P2RX2: variants seen among roughly 807,000 people sequenced by gnomAD.
P2RX2 encodes P2X purinoceptor 2.
In P2RX2, 50 loss-of-function variants were observed where a neutral mutation model predicts 54.8. That is an observed-to-expected ratio of 0.91 (90% confidence interval 0.73 to 1.15). P2RX2 has a LOEUF of 1.15. Among genes scored for constraint, P2RX2 ranks in the 50% most tolerant of loss-of-function variants. The pLI, the probability that P2RX2 is intolerant of heterozygous loss-of-function variation, is 0.00. For missense variants in P2RX2, 658 were observed against 633.2 expected, an observed-to-expected ratio of 1.04 and a Z score of -0.42; for synonymous variants, 289 against 259.4, an observed-to-expected ratio of 1.11 and a Z score of -1.09.
At position 132,620,489 on chromosome 12, in the gene P2RX2, C is replaced by T. The variant is rs1187819303; in HGVS notation, c.680C>T (p.Thr227Met). Residue 227 changes from threonine (T) to methionine (M), a missense_variant, in exon 7 of 11, where the codon ACG becomes ATG. Coordinates refer to ENST00000643471, the MANE Select transcript of P2RX2 (RefSeq NM_170682.4). ...DRTDGYLKRCTFHEASDLYCP... is the reference protein window; with the variant it reads ...DRTDGYLKRCMFHEASDLYCP... The stretch of plus-strand genomic sequence containing the variant: ...ACAGACGGGTACCTGAAGCGCTGCA[C>T]GTTCCACGAGGCCTCCGACCTCTAC... The T allele has an allele frequency of 5.6e-6, 9 of 1,613,970 alleles. No individual in the cohort carries two copies. Among genetic ancestry groups the T allele is most frequent in the Non-Finnish European group, 6.8e-6 (8 of 1,180,020 alleles).
In P2RX2 at chr12:132,618,908, C is replaced by T; in HGVS notation, c.92C>T (p.Pro31Leu). 17 of 1,352,230 alleles carry T rather than the reference C, an allele frequency of 1.3e-5. No individual in the cohort carries two copies. Among genetic ancestry groups the T allele is most frequent in the Non-Finnish European group, 1.6e-5 (17 of 1,045,062 alleles). The allele number at this position is 1,352,230 out of a possible 1,614,324, so 83.8% of individuals were successfully genotyped here. Residue 31 changes from proline to leucine, a missense_variant, in exon 1 of 11, where the codon CCC (proline) becomes CTC (leucine). By Grantham distance (98) the Pro-to-Leu change is moderately conservative. Transcript: ENST00000643471. ...CWSALWDYET[P>L]KVIVVRNRRL... ...TCCGCCCTCTGGGACTACGAGACGC[C>T]CAAGGTGATCGTGGTGAGGAACCGG...
Position 132,622,188 on chromosome 12 carries a change from C to A in P2RX2, c.*216C>A, listed in dbSNP as rs1301385109. 1.4e-6 allele frequency: 2 copies of A among 1,422,446 alleles called. No individual in the cohort carries two copies. Among genetic ancestry groups the A allele is most frequent in the Non-Finnish European group, 1.8e-6 (2 of 1,092,970 alleles). The allele number at this position is 1,422,446 out of a possible 1,614,324, so 88.1% of individuals were successfully genotyped here. ...CCCTGACACCTCCTCCCCAGCTGGT[C>A]CCTACAGGGCTGCTCACTTCCCATC... On this transcript the variant is annotated 3_prime_UTR_variant, in exon 11 of 11. Transcript: ENST00000643471.
chr12:132,621,075 C>T lies in P2RX2; in HGVS notation c.849C>T (p.Tyr283=). The stretch of plus-strand genomic sequence containing the variant: ...CTGCATCGGAGTGCAACCCCAAGTA[C>T]TCCTTCCGGAGGCTTGACCCCAAGC... The part of the protein sequence containing the change: ...DLPASECNPK[Y]SFRRLDPKHV... Residue 283 remains tyrosine (Y), a synonymous_variant, in exon 8 of 11, where the codon TAC becomes TAT. Coordinates refer to ENST00000643471, the MANE Select transcript of P2RX2 (RefSeq NM_170682.4). 6.2e-7 allele frequency: 1 copy of T among 1,614,066 alleles called. No homozygotes were observed. The highest frequency in any genetic ancestry group is 2.2e-5 in the East Asian group (1 of 44,896).
In P2RX2 at chr12:132,620,350, A is replaced by G. The variant is rs1373931502; in HGVS notation, c.635+3A>G. ...TACCCCAAATTCCACTTCTCCAAGT[A>G]AGAGCCGCGGGGTGTGGTGACGGCC... On this transcript the variant is annotated splice_donor_region_variant and intron_variant, in intron 6 of 10. Coordinates refer to ENST00000643471, the MANE Select transcript of P2RX2 (RefSeq NM_170682.4). 2.5e-6 allele frequency: 4 copies of G among 1,613,976 alleles called. No individual in the cohort carries two copies. Among genetic ancestry groups the G allele is most frequent in the Non-Finnish European group, 3.4e-6 (4 of 1,179,836 alleles).
In P2RX2 at chr12:132,622,015, G is replaced by A. The variant is rs375459528; in HGVS notation, c.*43G>A. 6 of 1,610,882 alleles carry A rather than the reference G, an allele frequency of 3.7e-6. No homozygotes were observed. In the East Asian group the frequency reaches 1.1e-4, roughly 30 times the overall value. On this transcript the variant is annotated 3_prime_UTR_variant, in exon 11 of 11. Transcript: ENST00000643471. Reference sequence around the variant, plus strand: ...TGGACTGCAGACCCGGCCTGGTGGGGCCAGAGAGTCCCCAGCTAGGGACCT... The same window carrying A: ...TGGACTGCAGACCCGGCCTGGTGGGACCAGAGAGTCCCCAGCTAGGGACCT...
rs370920432 is a variant in P2RX2, at chr12:132,619,645, C to A, written c.310-34C>A. The stretch of plus-strand genomic sequence containing the variant: ...AGTGGGCGGAGGGGGCAGCGGCTGC[C>A]GCCTGGCCGACCGCCCCCTCTTTCT... On this transcript the variant is annotated intron_variant, in intron 2 of 10. Coordinates refer to ENST00000643471, the MANE Select transcript of P2RX2 (RefSeq NM_170682.4). 3 of 1,582,464 alleles carry A rather than the reference C, an allele frequency of 1.9e-6. No individual in the cohort carries two copies. The African/African-American group carries it at 4.1e-5, about 21-fold the overall frequency.
chr12:132,619,451 C>T lies in P2RX2; in HGVS notation c.186C>T (p.Ile62=), dbSNP rs75585377. 0.014 allele frequency: 23,360 copies of T among 1,612,196 alleles called. 156 individuals are homozygous for T. The highest frequency in any genetic ancestry group is 0.016 in the Non-Finnish European group (19,075 of 1,179,346). ...ILLYFVWYVF[I]VQKSYQESET... is the part of the protein sequence containing the mutation. Reference sequence around the variant, plus strand: ...CCCCTGCCCGCAGGTACGTATTCATCGTGCAGAAAAGCTACCAGGAGAGCG... The same window carrying T: ...CCCCTGCCCGCAGGTACGTATTCATTGTGCAGAAAAGCTACCAGGAGAGCG... The change falls in exon 2 of 11, where the codon ATC becomes ATT. Residue 62 remains isoleucine (I), a synonymous_variant. Coordinates refer to ENST00000643471, the MANE Select transcript of P2RX2 (RefSeq NM_170682.4).
rs951199957 is a variant in P2RX2, at chr12:132,622,081, G to T, written c.*109G>T. 2.6e-6 allele frequency: 4 copies of T among 1,552,294 alleles called. No individual in the cohort carries two copies. The African/African-American group carries it at 4.1e-5, about 16-fold the overall frequency. ...CACCTCAGTAGCGGAGCATCTCCAC[G>T]AAACGGGGCACCACAGGATCCCTGT... On this transcript the variant is annotated 3_prime_UTR_variant, in exon 11 of 11. Transcript: ENST00000643471.
At position 132,621,506 on chromosome 12, in the gene P2RX2, T is replaced by C; in HGVS notation, c.1028T>C (p.Ile343Thr). The C allele has an allele frequency of 1.3e-6, 2 of 1,563,584 alleles. No homozygotes were observed. Among genetic ancestry groups the C allele is most frequent in the Non-Finnish European group, 1.7e-6 (2 of 1,153,394 alleles). Residue 343 changes from isoleucine (I) to threonine (T), a missense_variant, in exon 10 of 11, where the codon ATT becomes ACT. By Grantham distance (89) the Ile-to-Thr change is moderately conservative. Transcript: ENST00000643471. Reference sequence around the variant, plus strand: ...AAGTTCAGCCTGATTCCCACCATTATTAATCTGGCCACAGCTCTGACTTCC... The same window carrying C: ...AAGTTCAGCCTGATTCCCACCATTACTAATCTGGCCACAGCTCTGACTTCC... ...AGKFSLIPTI[I>T]NLATALTSVG...
rs763300549 is a variant in P2RX2, at chr12:132,619,677, A to AG, written c.314dup. On this transcript the variant is annotated splice_acceptor_variant, in intron 2 of 10. Coordinates refer to ENST00000643471, the MANE Select transcript of P2RX2 (RefSeq NM_170682.4). LOFTEE classifies it high-confidence loss of function. ...CCGACCGCCCCCTCTTTCTGAGCCC[A>AG]GGGGGGCAGCGTGTTCAGCATCATC... 15 of 1,592,980 alleles carry AG rather than the reference A, an allele frequency of 9.4e-6. No homozygotes were observed. Among genetic ancestry groups the AG allele is most frequent in the Admixed American group, 5.2e-5 (3 of 57,920 alleles).
chr12:132,621,651 A>G lies in P2RX2; in HGVS notation c.1095A>G (p.Thr365=). 6.2e-7 allele frequency: 1 copy of G among 1,613,742 alleles called. No homozygotes were observed. The highest frequency in any genetic ancestry group is 1.7e-5 in the Admixed American group (1 of 59,974). ...TCCTGTGCGACTGGATCTTGCTAAC[A>G]TTCATGAACAAAAACAAGGTCTACA... ...GSFLCDWILL[T]FMNKNKVYSH... The change falls in exon 11 of 11, where the codon ACA becomes ACG. Residue 365 remains threonine (T), a synonymous_variant. Transcript: ENST00000643471.
Position 132,620,318 on chromosome 12 carries a change from C to T in P2RX2, c.606C>T (p.Ser202=), listed in dbSNP as rs1359546322. Residue 202 remains serine, a synonymous_variant, in exon 6 of 11, where the codon AGC becomes AGT. Transcript: ENST00000643471. ...APNFTILIKN[S]IHYPKFHFSK... is the part of the protein sequence containing the mutation. ...ATTTCACCATCCTCATCAAGAACAG[C>T]ATCCACTACCCCAAATTCCACTTCT... 10 of 1,613,982 alleles carry T rather than the reference C, an allele frequency of 6.2e-6. No individual in the cohort carries two copies. The highest frequency in any genetic ancestry group is 2.2e-5 in the East Asian group (1 of 44,894).
intron 1 of P2RX2, 36 bp from the exon 2 acceptor site, chr12:132,619,403 G>A: frequency 6.2e-7 from 1 of 1,609,686 alleles, no homozygotes; most frequent in Non-Finnish European, 8.5e-7. Flanking sequence ...GCCTTCCCAG[G>A]GTCGCCTCCG....
rs1471710260 is a variant in P2RX2, at chr12:132,619,234, G to C, written c.174-205G>C. Among the ~76,000 whole-genome samples the C allele has an allele frequency of 4.3e-5, 6 of 140,312 alleles. 1 individual carries two copies. Among genetic ancestry groups the C allele is most frequent in the African/African-American group, 1.6e-4 (6 of 37,910 alleles). 92.1% of individuals were successfully genotyped at this position (140,312 alleles called of 152,430 possible). On this transcript the variant is annotated intron_variant, in intron 1 of 10. Coordinates refer to ENST00000643471, the MANE Select transcript of P2RX2 (RefSeq NM_170682.4). Reference sequence around the variant, plus strand: ...GTGCTGGGCTGGAGGCGCGGGGCTGGGGCTGGGACCAGGGGCGCGGGGCAG... The same window carrying C: ...GTGCTGGGCTGGAGGCGCGGGGCTGCGGCTGGGACCAGGGGCGCGGGGCAG...
Position 132,619,734 on chromosome 12 carries a change from AGGGAACCTGCCCC to A in P2RX2, c.367_379del (p.Gly123ArgfsTer3). On this transcript the variant is annotated frameshift_variant, in exon 3 of 11. Transcript: ENST00000643471. LOFTEE classifies it high-confidence loss of function. ...GTCGAGGCCACCCACTCCCAGACCC[AGGGAACCTGCCCC>A]GAGGTGAGGGGATCCCGCGGCGCTG... The A allele has an allele frequency of 6.2e-7, 1 of 1,608,714 alleles. No homozygotes were observed. The highest frequency in any genetic ancestry group is 8.5e-7 in the Non-Finnish European group (1 of 1,177,616).
At chr12:132,619,943 G>A in intron 4 of P2RX2, 24 bp downstream of exon 4, 2 of 1,584,816 alleles carry the variant, frequency 1.3e-6, no homozygotes, top group Non-Finnish European at 1.7e-6. Flanking sequence ...AGCTGGGGCT[G>A]GGCGGGTGGG....
chr12:132,620,881 GCT>G, intron 7 of P2RX2, 118 bp from the exon 8 acceptor site: 3 of 752,764 alleles, frequency 4.0e-6, no homozygotes, highest in South Asian at 3.5e-5. Context: ...ACTGACCCGG[GCT>G]CTCGAGGGGC....
At position 132,619,183 on chromosome 12, in the gene P2RX2, G is replaced by T. The variant is rs1432489923; in HGVS notation, c.173+194G>T. On this transcript the variant is annotated intron_variant, in intron 1 of 10. Transcript: ENST00000643471. The stretch of plus-strand genomic sequence containing the variant: ...CGCGGGGCAGGGGCTGGGACTGGGG[G>T]CGTGGGGCAGGGGCTGGGACTCGGG... Among the ~76,000 whole-genome samples, 13 of 105,244 alleles carry T rather than the reference G, an allele frequency of 1.2e-4. 1 individual carries two copies. The highest frequency in any genetic ancestry group is 4.4e-4 in the African/African-American group (12 of 27,270). The allele number at this position is 105,244 out of a possible 152,430, so 69.0% of individuals were successfully genotyped here.
In P2RX2 at chr12:132,619,861, C is replaced by A. The variant is rs201946408; in HGVS notation, c.399C>A (p.Asn133Lys). The change falls in exon 4 of 11, where the codon AAC (asparagine) becomes AAA (lysine). Residue 133 changes from asparagine to lysine, a missense_variant. Coordinates refer to ENST00000643471, the MANE Select transcript of P2RX2 (RefSeq NM_170682.4). ...GTCPESIRVH[N>K]ATCLSDADCV... ...CACCCTAGAGCATAAGGGTCCACAACGCCACCTGCCTCTCCGACGCCGACT... is the reference window on the plus strand; with the variant it reads ...CACCCTAGAGCATAAGGGTCCACAAAGCCACCTGCCTCTCCGACGCCGACT... 1.1e-5 allele frequency: 18 copies of A among 1,611,206 alleles called. No individual in the cohort carries two copies. Among genetic ancestry groups the A allele is most frequent in the Non-Finnish European group, 1.5e-5 (18 of 1,179,568 alleles).
Sources: allele counts gnomAD v4.1 joint callset (sites outside exome capture counted in the v4.1 genomes callset), GRCh38; gene constraint gnomAD v4.1.1; transcripts MANE v1.5; gene names NCBI Gene and HGNC (gene_info 2026-07-23, HGNC 2026-07-21).